DLC1: variants seen among roughly 807,000 people sequenced by gnomAD.
The protein encoded by DLC1 is rho GTPase-activating protein 7.
Under a neutral mutation model 140.3 loss-of-function variants are expected in DLC1, and 54 were observed. That is an observed-to-expected ratio of 0.38 (90% CI 0.31 to 0.48). The LOEUF is 0.48. Among genes scored for constraint, DLC1 ranks in the 20% least tolerant of loss-of-function variants. The pLI is 0.96. For missense variants in DLC1, 2,536 were observed against 1,907.0 expected (o/e 1.33, Z -6.14); for synonymous variants, 986 against 728.1 (o/e 1.35, Z -5.70).
chr8:13,228,417 T>C lies in DLC1; in HGVS notation c.1348+76852A>G, dbSNP rs531761888. 3.9e-5 allele frequency among the ~76,000 whole-genome samples: 6 copies of C among 152,142 alleles called. No homozygotes were observed. In the East Asian group the frequency reaches 1.2e-3, roughly 29 times the overall value. Reference sequence around the variant, plus strand: ...ATATGGAATACATAATAAACTCTCATAACTCAATTATAAAAAGACAAACCA... The same window carrying C: ...ATATGGAATACATAATAAACTCTCACAACTCAATTATAAAAAGACAAACCA... On this transcript the variant is annotated intron_variant, in intron 5 of 17. Coordinates refer to ENST00000276297, the MANE Select transcript of DLC1 (RefSeq NM_182643.3).
At chr8:13,189,499 C>G (rs1268693490) in intron 5 of DLC1, among the ~76,000 whole-genome samples, 1 of 151,990 alleles carries the variant, frequency 6.6e-6, no homozygotes, top group Non-Finnish European at 1.5e-5. Context: ...AGTGTAGTGA[C>G]AATACTCAGG....
chr8:13,277,576 G>A (rs1352969459), intron 5 of DLC1, among the ~76,000 whole-genome samples: 3 of 152,144 alleles, frequency 2.0e-5, no homozygotes, highest in African/African-American at 4.8e-5. Context: ...ATCAAAATAT[G>A]AGCCAACTGC....
At chr8:13,133,779 G>A (rs1169226892) in intron 5 of DLC1, among the ~76,000 whole-genome samples, 2 of 151,970 alleles carry the variant, frequency 1.3e-5, no homozygotes, top group African/African-American at 4.8e-5. Flanking sequence ...TTATCCTGGC[G>A]GGAACCACGT....
At chr8:13,470,266 A>G (rs1800146344) in intron 2 of DLC1, among the ~76,000 whole-genome samples, 1 of 152,216 alleles carries the variant, frequency 6.6e-6, no homozygotes, top group African/African-American at 2.4e-5. Context: ...TTTAAGCACA[A>G]TGTACTAGCT....
intron 2 of DLC1, among the ~76,000 whole-genome samples, chr8:13,490,296 T>A (rs1245937596): frequency 6.6e-6 from 1 of 152,250 alleles, no homozygotes; most frequent in Non-Finnish European, 1.5e-5. Flanking sequence ...TATTCCTATG[T>A]CAATACAGAA....
chr8:13,254,815 A>G (rs1034625061), intron 5 of DLC1, among the ~76,000 whole-genome samples: 9 of 152,200 alleles, frequency 5.9e-5, no homozygotes, highest in Admixed American at 5.9e-4. Context: ...ATTAAAAATC[A>G]TTTAGCATTT....
chr8:13,338,770 A>T (rs879902070), intron 4 of DLC1: 1 of 152,194 alleles, frequency 6.6e-6, no homozygotes, highest in Non-Finnish European at 1.5e-5. Flanking sequence ...TACCTGCCCA[A>T]CTAGCGACAT....
At chr8:13,206,707 T>C (rs1401393867) in intron 5 of DLC1, among the ~76,000 whole-genome samples, 3 of 152,152 alleles carry the variant, frequency 2.0e-5, no homozygotes, top group African/African-American at 7.2e-5. Flanking sequence ...GATATTCTAA[T>C]GTTTTCATTA....
chr8:13,566,808 T>C, intron 1 of DLC1: 2 of 734,344 alleles, frequency 2.7e-6, no homozygotes, highest in African/African-American at 1.8e-5. Flanking sequence ...CGCCGCATGG[T>C]GGCCAGTCAC....
chr8:13,429,694 C>A (rs752805236), intron 2 of DLC1, among the ~76,000 whole-genome samples: 7 of 152,132 alleles, frequency 4.6e-5, no homozygotes, highest in Non-Finnish European at 8.8e-5. Context: ...TGGCAGCAAC[C>A]TTGCATTTCT....
intron 5 of DLC1, among the ~76,000 whole-genome samples, chr8:13,216,992 G>T (rs886481979): frequency 3.9e-5 from 6 of 152,020 alleles, no homozygotes; most frequent in African/African-American, 1.4e-4. Flanking sequence ...TGTCCTTGAA[G>T]GTGTTCTGTG....
chr8:13,433,537 C>A (rs543142939), intron 2 of DLC1, among the ~76,000 whole-genome samples: 233 of 152,282 alleles, frequency 1.5e-3, no homozygotes, highest in Non-Finnish European at 2.6e-3. Flanking sequence ...AGTGATAAAT[C>A]CAACTATAAG....
chr8:13,212,970 C>G (rs1304325550), intron 5 of DLC1, among the ~76,000 whole-genome samples: 2 of 152,090 alleles, frequency 1.3e-5, no homozygotes, highest in Non-Finnish European at 2.9e-5. Flanking sequence ...TTTCTATTTG[C>G]TATGTATAGA....
chr8:13,125,065 C>T (rs1351332250), intron 5 of DLC1, among the ~76,000 whole-genome samples: 2 of 152,120 alleles, frequency 1.3e-5, no homozygotes, highest in Non-Finnish European at 2.9e-5. Context: ...CAACCTCTGC[C>T]TCCTGGGTTC....
Position 13,099,597 on chromosome 8 carries a change from T to C in DLC1, c.2740A>G (p.Lys914Glu), listed in dbSNP as rs1295134218. Residue 914 changes from lysine to glutamate, a missense_variant, in exon 9 of 18, where the codon AAG becomes GAG. By Grantham distance (56) the Lys-to-Glu change is moderately conservative (BLOSUM62 1). Coordinates refer to ENST00000276297, the MANE Select transcript of DLC1 (RefSeq NM_182643.3). Reference protein sequence around the residue: ...PELDDILYHVKGMQRIVNQWS... With the variant: ...PELDDILYHVEGMQRIVNQWS... ...TGATTGACTATCCGCTGCATCCCCT[T>C]CACGTGGTAGAGGATGTCGTCCAGC... is the stretch of plus-strand genomic sequence containing the variant. The C allele has an allele frequency of 6.2e-7, 1 of 1,614,012 alleles. No individual in the cohort carries two copies. Among genetic ancestry groups the C allele is most frequent in the Non-Finnish European group, 8.5e-7 (1 of 1,180,028 alleles).
At chr8:13,568,158 T>A in intron 1 of DLC1, 1 of 557,018 alleles carries the variant, frequency 1.8e-6, no homozygotes, top group Non-Finnish European at 3.1e-6. Context: ...ATGTTGGTAG[T>A]TTGGGCCAGG....
intron 5 of DLC1, among the ~76,000 whole-genome samples, chr8:13,159,316 C>A (rs564548203): frequency 3.3e-5 from 5 of 152,292 alleles, no homozygotes; most frequent in Non-Finnish European, 7.4e-5. Context: ...GCGGGCATTT[C>A]GTAAAATTGC....
intron 2 of DLC1, among the ~76,000 whole-genome samples, chr8:13,428,521 A>G (rs1217708094): frequency 6.6e-6 from 1 of 152,184 alleles, no homozygotes; most frequent in African/African-American, 2.4e-5. Flanking sequence ...TTAACCAATC[A>G]TTTCTCGAAC....
intron 5 of DLC1, among the ~76,000 whole-genome samples, chr8:13,239,479 G>A (rs61339591): frequency 0.011 from 1,717 of 152,254 alleles, 30 homozygotes; most frequent in African/African-American, 0.039. Context: ...ACTGATCACA[G>A]GCACATAATT....
Sources: allele counts gnomAD v4.1 joint callset (sites outside exome capture counted in the v4.1 genomes callset), GRCh38; gene constraint gnomAD v4.1.1; transcripts MANE v1.5; gene names NCBI Gene and HGNC (gene_info 2026-07-23, HGNC 2026-07-21).